Variants in IARS1 observed in about 807,000 individuals in gnomAD.
The protein encoded by IARS1 is isoleucine--tRNA ligase, cytoplasmic.
In IARS1, 124 loss-of-function variants were observed where a neutral mutation model predicts 168.2. The ratio of observed to expected loss-of-function variants is 0.74; its 90% confidence interval spans 0.64 to 0.86. The LOEUF is 0.86. Ranked by LOEUF, IARS1 falls within the 40% of genes least tolerant of loss-of-function variation. IARS1 has a pLI of 0.00. For synonymous variants in IARS1, 532 were observed against 529.4 expected (o/e 1.00, Z -0.07); for missense variants, 1,452 against 1,515.8 (o/e 0.96, Z 0.70).
Position 92,226,576 on chromosome 9 carries a change from GA to G in IARS1, c.3409+2424del, listed in dbSNP as rs377699440. 9.1e-4 allele frequency among the ~76,000 whole-genome samples: 138 copies of G among 152,290 alleles called. 1 individual carries two copies. The highest frequency in any genetic ancestry group is 3.1e-3 in the African/African-American group (129 of 41,566). ...AGGGGGCTAGGGAATAAAAATAAAAGAAATGTACTGTCTCAAAGTTCTGGAG... is the reference window on the plus strand; with the variant it reads ...AGGGGGCTAGGGAATAAAAATAAAAGAATGTACTGTCTCAAAGTTCTGGAG... On this transcript the variant is annotated intron_variant, in intron 31 of 33. Transcript: ENST00000443024.
At position 92,253,472 on chromosome 9, in the gene IARS1, A is replaced by C; in HGVS notation, c.2138-19T>G. On this transcript the variant is annotated intron_variant, in intron 20 of 33. Coordinates refer to ENST00000443024, the MANE Select transcript of IARS1 (RefSeq NM_002161.6). Reference sequence around the variant, plus strand: ...CTATAAGCTAAAAGTAAGACAAGTCAATCAGGCAGCAAGTGGGTTACCAGG... The same window carrying C: ...CTATAAGCTAAAAGTAAGACAAGTCCATCAGGCAGCAAGTGGGTTACCAGG... 1 of 1,565,908 alleles carries C rather than the reference A, an allele frequency of 6.4e-7. No homozygotes were observed.
Position 92,256,697 on chromosome 9 carries a change from A to G in IARS1, c.2120T>C (p.Phe707Ser). 1 of 1,613,782 alleles carries G rather than the reference A, an allele frequency of 6.2e-7. No homozygotes were observed. The highest frequency in any genetic ancestry group is 8.5e-7 in the Non-Finnish European group (1 of 1,179,776). ...LSFMQSLIGFFETEMAAYRLY... is the reference protein window; with the variant it reads ...LSFMQSLIGFSETEMAAYRLY... The stretch of plus-strand genomic sequence containing the variant: ...AGACTCACCTGCCATTTCAGTCTCA[A>G]AGAAGCCAATGAGAGACTGCATGAA... The change falls in exon 20 of 34, where the codon TTT becomes TCT. Residue 707 changes from phenylalanine (F) to serine (S), a missense_variant. Phe to Ser is a radical substitution (Grantham distance 155). Coordinates refer to ENST00000443024, the MANE Select transcript of IARS1 (RefSeq NM_002161.6).
chr9:92,238,282 T>C (rs187510969), intron 30 of IARS1, among the ~76,000 whole-genome samples: 212 of 152,324 alleles, frequency 1.4e-3, no homozygotes, highest in African/African-American at 4.6e-3. Context: ...AACTCTCATG[T>C]TGAAATGTGA....
At chr9:92,237,590 C>A (rs940262149) in intron 30 of IARS1, among the ~76,000 whole-genome samples, 1 of 152,164 alleles carries the variant, frequency 6.6e-6, no homozygotes, top group African/African-American at 2.4e-5. Context: ...TTGTCTATTT[C>A]TCCTTTAATG....
chr9:92,218,714 G>A, intron 33 of IARS1, among the ~76,000 whole-genome samples: 1 of 121,792 alleles, frequency 8.2e-6, no homozygotes, highest in Non-Finnish European at 1.6e-5. Flanking sequence ...CAACTTACAA[G>A]GGATGTGAAG....
intron 27 of IARS1, among the ~76,000 whole-genome samples, chr9:92,244,616 T>C (rs1228237217): frequency 1.3e-5 from 2 of 152,202 alleles, no homozygotes; most frequent in Non-Finnish European, 2.9e-5. Context: ...GTGTACTTAT[T>C]TCTACCAGAT....
At chr9:92,213,715 T>C (rs1838149518) in intron 33 of IARS1, among the ~76,000 whole-genome samples, 1 of 152,146 alleles carries the variant, frequency 6.6e-6, no homozygotes, top group Non-Finnish European at 1.5e-5. Context: ...CAGAAACCAA[T>C]ACAGAGAAAA....
At chr9:92,219,795 T>C (rs912964962) in intron 33 of IARS1, among the ~76,000 whole-genome samples, 8 of 130,252 alleles carry the variant, frequency 6.1e-5, no homozygotes, top group African/African-American at 6.6e-5. Flanking sequence ...TGTGGAGAAA[T>C]AGGAACACTT....
At chr9:92,239,049 G>A (rs1166644885) in intron 30 of IARS1, among the ~76,000 whole-genome samples, 2 of 152,188 alleles carry the variant, frequency 1.3e-5, no homozygotes, top group Admixed American at 6.5e-5. Flanking sequence ...TATATACACA[G>A]AGAACCACAT....
Position 92,263,011 on chromosome 9 carries a change from G to A in IARS1, c.1745C>T (p.Pro582Leu), listed in dbSNP as rs45474891. The A allele has an allele frequency of 8.1e-6, 13 of 1,614,004 alleles. No individual in the cohort carries two copies. The highest frequency in any genetic ancestry group is 6.7e-5 in the African/African-American group (5 of 75,006). Residue 582 changes from proline to leucine, a missense_variant, in exon 17 of 34, where the codon CCG becomes CTG. Coordinates refer to ENST00000443024, the MANE Select transcript of IARS1 (RefSeq NM_002161.6). ...ATTCACAATTACGTTCTTGAAAGGC[G>A]GTTGTCCAAAGAGGGCCGTGGCCAG... ...LVLATALFGQ[P>L]PFKNVIVNGL...
intron 14 of IARS1, among the ~76,000 whole-genome samples, chr9:92,267,357 A>C (rs1365529398): frequency 6.6e-6 from 1 of 152,106 alleles, no homozygotes; most frequent in Non-Finnish European, 1.5e-5. Flanking sequence ...CCTATGGGAG[A>C]TTCACCAAGG....
intron 12 of IARS1, among the ~76,000 whole-genome samples, chr9:92,270,288 G>A (rs938456349): frequency 6.6e-6 from 1 of 152,176 alleles, no homozygotes. Flanking sequence ...AACCAAACAC[G>A]ATGCAACTGA....
intron 30 of IARS1, 160 bp downstream of exon 30, chr9:92,240,696 T>A: frequency 2.8e-6 from 2 of 718,664 alleles, no homozygotes; most frequent in Non-Finnish European, 5.2e-6. Context: ...TCTCGCCTAG[T>A]GAATTCATTT....
intron 27 of IARS1, among the ~76,000 whole-genome samples, 174 bp downstream of exon 27, chr9:92,244,783 CAT>C (rs1828937794): frequency 6.6e-6 from 1 of 152,154 alleles, no homozygotes; most frequent in Non-Finnish European, 1.5e-5. Flanking sequence ...TAAACAAATG[CAT>C]ATGTTAAGGG....
intron 30 of IARS1, among the ~76,000 whole-genome samples, chr9:92,232,573 A>T (rs1226348451): frequency 6.6e-6 from 1 of 152,240 alleles, no homozygotes; most frequent in Non-Finnish European, 1.5e-5. Flanking sequence ...ACAGAAGGGT[A>T]TGAGAAAGTT....
intron 30 of IARS1, among the ~76,000 whole-genome samples, chr9:92,232,641 G>A (rs981826878): frequency 3.9e-5 from 6 of 152,042 alleles, no homozygotes; most frequent in Non-Finnish European, 7.4e-5. Flanking sequence ...GGTCAACCTG[G>A]GTAAGTTCTG....
Position 92,260,147 on chromosome 9 carries a change from G to C in IARS1, c.1871+4C>G, listed in dbSNP as rs370775962. ...TACACACAAGGCAAAGCACTGGTTT[G>C]TACCTGAGGGCATCAGCACCATACT... On this transcript the variant is annotated splice_donor_region_variant and intron_variant, in intron 18 of 33. Coordinates refer to ENST00000443024, the MANE Select transcript of IARS1 (RefSeq NM_002161.6). The C allele has an allele frequency of 1.9e-6, 3 of 1,593,904 alleles. No individual in the cohort carries two copies. In the African/African-American group the frequency reaches 4.0e-5, roughly 21 times the overall value.
intron 30 of IARS1, among the ~76,000 whole-genome samples, chr9:92,239,818 C>T (rs1260330868): frequency 6.6e-6 from 1 of 152,084 alleles, no homozygotes; most frequent in Non-Finnish European, 1.5e-5. Context: ...GTCCAGGCTC[C>T]CCACTTGGCC....
rs1308597123 is a variant in IARS1 at position 92,217,034 on chromosome 9, CTCAGCA to C, written c.3706+5480_3706+5485del. ...CCACATACTTGGAAGTAAAGCTCTCCTCAGCAAATGTAAAAGAACAGAAATTATAAC... is the reference window on the plus strand; with the variant it reads ...CCACATACTTGGAAGTAAAGCTCTCCAATGTAAAAGAACAGAAATTATAAC... On this transcript the variant is annotated intron_variant, in intron 33 of 33. Transcript: ENST00000443024. Among the ~76,000 whole-genome samples the C allele has an allele frequency of 9.4e-5, 14 of 148,902 alleles. 2 individuals are homozygous for C. Among genetic ancestry groups the C allele is most frequent in the Admixed American group, 9.3e-4 (14 of 14,976 alleles).
Sources: gnomAD v4.1 joint callset for allele counts (sites outside exome capture counted in the v4.1 genomes callset) on GRCh38, gnomAD v4.1.1 for gene constraint, MANE v1.5 for transcripts, NCBI Gene and HGNC (gene_info 2026-07-23, HGNC 2026-07-21) for gene names.